HTT: variants seen among roughly 807,000 people sequenced by gnomAD.
HTT encodes the protein huntington disease protein.
Under a neutral mutation model 362.3 loss-of-function variants are expected in HTT, and 104 were observed. That is an observed-to-expected ratio of 0.29 (90% CI 0.24 to 0.34). HTT has a LOEUF of 0.34. HTT is among the 10% of genes least tolerant of loss of function. The pLI is 1.00. For missense variants in HTT, 3,301 were observed against 3,928.6 expected (o/e 0.84, Z 4.27); for synonymous variants, 1,577 against 1,548.7 (o/e 1.02, Z -0.43).
chr4:3,147,962 A>T, intron 25 of HTT, 43 bp from the exon 26 acceptor site: 1 of 1,497,882 alleles, frequency 6.7e-7, no homozygotes. Context: ...TGTCCTTCCC[A>T]TGCTATTGGG....
intron 48 of HTT, 124 bp downstream of exon 48, chr4:3,212,266 G>A (rs1720195709): frequency 1.2e-6 from 1 of 802,692 alleles, no homozygotes; most frequent in Non-Finnish European, 1.9e-6. Context: ...TACAGAGGTA[G>A]CTAAAGAGCA....
intron 21 of HTT, among the ~76,000 whole-genome samples, chr4:3,137,511 C>G (rs1040982668): frequency 9.2e-5 from 14 of 152,040 alleles, no homozygotes. Context: ...CCAGCCTGGC[C>G]AACATGGTGA....
At chr4:3,177,812 AG>A (rs1410991242) in intron 34 of HTT, among the ~76,000 whole-genome samples, 1 of 152,252 alleles carries the variant, frequency 6.6e-6, no homozygotes, top group East Asian at 1.9e-4. Flanking sequence ...AGTCCATTAC[AG>A]GTTTATAATT....
At chr4:3,227,144 A>G (rs895221250) in intron 57 of HTT, among the ~76,000 whole-genome samples, 3 of 152,168 alleles carry the variant, frequency 2.0e-5, no homozygotes, top group African/African-American at 4.8e-5. Context: ...ACATCCTTCA[A>G]TGTTTGCGTT....
At chr4:3,185,091 G>A (rs1261394753) in intron 37 of HTT, among the ~76,000 whole-genome samples, 5 of 152,202 alleles carry the variant, frequency 3.3e-5, no homozygotes, top group African/African-American at 1.2e-4. Context: ...TGAAAGGACA[G>A]GAGAGAGACT....
intron 60 of HTT, among the ~76,000 whole-genome samples, chr4:3,231,386 C>G (rs560218474): frequency 2.6e-5 from 4 of 152,188 alleles, no homozygotes; most frequent in Non-Finnish European, 4.4e-5. Context: ...GGAGCTCTTC[C>G]TCCCGCACCC....
In HTT at chr4:3,127,525, C is replaced by T. The variant is rs1360132335; in HGVS notation, c.1664C>T (p.Ser555Leu). 27 of 1,614,152 alleles carry T rather than the reference C, an allele frequency of 1.7e-5. No homozygotes were observed. The highest frequency in any genetic ancestry group is 2.3e-5 in the Non-Finnish European group (27 of 1,180,004). Residue 555 changes from serine (S) to leucine (L), a missense_variant, in exon 12 of 67, where the codon TCG (serine) becomes TTG (leucine). By Grantham distance (145) the Ser-to-Leu change is moderately radical. This residue lies in a region of HTT where 2,316 missense variants were observed against 2,658.5 expected (regional missense o/e 0.87). Coordinates refer to ENST00000355072, the MANE Select transcript of HTT (RefSeq NM_001388492.1). Reference sequence around the variant, plus strand: ...GACCTGAATGATGGGACCCAGGCCTCGTCGCCCATCAGCGACAGCTCCCAG... The same window carrying T: ...GACCTGAATGATGGGACCCAGGCCTTGTCGCCCATCAGCGACAGCTCCCAG... The part of the protein sequence containing the change: ...AMDLNDGTQA[S>L]SPISDSSQTT...
At chr4:3,135,614 C>T (rs1428486935) in intron 19 of HTT, among the ~76,000 whole-genome samples, 4 of 152,172 alleles carry the variant, frequency 2.6e-5, no homozygotes, top group Admixed American at 2.6e-4. Flanking sequence ...CCAGCTCACC[C>T]CTTCTGTGGC....
intron 37 of HTT, among the ~76,000 whole-genome samples, chr4:3,184,780 G>C (rs1718687297): frequency 6.6e-6 from 1 of 152,078 alleles, no homozygotes; most frequent in African/African-American, 2.4e-5. Context: ...CAGGGGGTCA[G>C]CATCTGAGAT....
chr4:3,137,064 C>T (rs990375834), intron 21 of HTT, among the ~76,000 whole-genome samples: 4 of 151,794 alleles, frequency 2.6e-5, no homozygotes, highest in African/African-American at 4.8e-5. Context: ...CACACCACCA[C>T]GCCCAATTAA....
chr4:3,101,062 G>C (rs1424322023), intron 3 of HTT, among the ~76,000 whole-genome samples: 4 of 152,208 alleles, frequency 2.6e-5, no homozygotes, highest in Non-Finnish European at 5.9e-5. Context: ...TTGATCCTCA[G>C]AGTCAGAAAA....
Position 3,209,845 on chromosome 4 carries a change from G to A in HTT, c.6310G>A (p.Val2104Ile), listed in dbSNP as rs771129823. ...TTCCCAGGACTGGTACGTTCATCTT[G>A]TCAAATCCCAGTGTTGGACCAGGTC... ...SPDKDWYVHL[V>I]KSQCWTRSDS... Residue 2104 changes from valine (V) to isoleucine (I), a missense_variant, in exon 47 of 67, where the codon GTC becomes ATC. By Grantham distance (29) the Val-to-Ile change is conservative (BLOSUM62 3). Around this residue, in one of 4 missense-constraint regions of HTT, gnomAD observed 2,316 missense variants for 2,658.5 expected, o/e 0.87. Coordinates refer to ENST00000355072, the MANE Select transcript of HTT (RefSeq NM_001388492.1). 23 of 1,613,916 alleles carry A rather than the reference G, an allele frequency of 1.4e-5. No individual in the cohort carries two copies. In the African/African-American group the frequency reaches 2.0e-4, roughly 14 times the overall value.
intron 53 of HTT, among the ~76,000 whole-genome samples, chr4:3,221,592 C>T (rs569959453): frequency 1.3e-5 from 2 of 152,194 alleles, no homozygotes; most frequent in South Asian, 4.1e-4. Context: ...CCCCGTTTAT[C>T]ACGGGGACCC....
At chr4:3,123,691 TAA>T (rs542694871) in intron 10 of HTT, among the ~76,000 whole-genome samples, 1 of 147,174 alleles carries the variant, frequency 6.8e-6, no homozygotes, top group African/African-American at 2.5e-5. Flanking sequence ...CCTTGTGTCT[TAA>T]AAAAAAAAAG....
chr4:3,150,440 C>T (rs902144891), intron 26 of HTT, among the ~76,000 whole-genome samples: 3 of 152,168 alleles, frequency 2.0e-5, no homozygotes, highest in African/African-American at 7.2e-5. Context: ...GTCTCTGGAG[C>T]TGCAGTTCAA....
chr4:3,143,211 G>A (rs545151092), intron 23 of HTT, among the ~76,000 whole-genome samples: 1 of 152,058 alleles, frequency 6.6e-6, no homozygotes, highest in African/African-American at 2.4e-5. Context: ...CCAAGGTTGG[G>A]GGCTCACTTG....
intron 2 of HTT, among the ~76,000 whole-genome samples, chr4:3,087,526 A>C (rs1341221879): frequency 6.6e-6 from 1 of 152,064 alleles, no homozygotes; most frequent in Non-Finnish European, 1.5e-5. Context: ...GATCTTTCTC[A>C]CTGGGATGAA....
At chr4:3,155,207 ATTTATTTATTTAT>A (rs1328099874) in intron 27 of HTT, among the ~76,000 whole-genome samples, 2 of 151,624 alleles carry the variant, frequency 1.3e-5, no homozygotes, top group Admixed American at 6.6e-5. Context: ...AAGGCTATTT[ATTTATTTATTTAT>A]TTTATTTATT....
intron 30 of HTT, 102 bp downstream of exon 30, chr4:3,172,499 G>T (rs981352951): frequency 2.4e-6 from 2 of 836,878 alleles, no homozygotes; most frequent in Admixed American, 1.7e-5. Context: ...AATCAGCTGG[G>T]AGGATTGTGG....
Sources: allele counts gnomAD v4.1 joint callset (sites outside exome capture counted in the v4.1 genomes callset), GRCh38; gene constraint gnomAD v4.1.1; regional missense constraint gnomAD v4.1.1; transcripts MANE v1.5; gene names NCBI Gene and HGNC (gene_info 2026-07-23, HGNC 2026-07-21).